BOP1: variants seen among roughly 807,000 people sequenced by gnomAD.
BOP1 encodes BOP1 ribosomal biogenesis factor, also known as ribosome biogenesis protein BOP1.
A neutral mutation model predicts 82.9 loss-of-function variants in BOP1; 54 were observed. The observed-to-expected ratio is 0.65, with a 90% CI of 0.52 to 0.82. The LOEUF (loss-of-function observed/expected upper bound fraction) is 0.82, where lower values mean the gene tolerates loss of function less well. BOP1 is among the 40% of genes least tolerant of loss of function. The pLI, the probability that BOP1 is intolerant of heterozygous loss-of-function variation, is 0.00. For missense variants in BOP1, 1,170 were observed against 1,072.0 expected (o/e 1.09, Z -1.28); for synonymous variants, 566 against 451.1 (o/e 1.25, Z -3.23).
rs1294290278 is a variant in BOP1, at chr8:144,262,213, G to A, written c.2192C>T (p.Pro731Leu). Reference sequence around the variant, plus strand: ...GTCTGCCCCCGAGGAGAAGACCCACGGCTGGGTGGGGTGGAAGATGACGTC... The same window carrying A: ...GTCTGCCCCCGAGGAGAAGACCCACAGCTGGGTGGGGTGGAAGATGACGTC... The part of the protein sequence containing the change: ...VLDVIFHPTQ[P>L]WVFSSGADGT... Residue 731 changes from proline to leucine, a missense_variant, in exon 16 of 16, where the codon CCG becomes CTG. Transcript: ENST00000569669. 6 of 1,612,566 alleles carry A rather than the reference G, an allele frequency of 3.7e-6. No individual in the cohort carries two copies. Among genetic ancestry groups the A allele is most frequent in the East Asian group, 2.2e-5 (1 of 44,882 alleles).
intron 3 of BOP1, among the ~76,000 whole-genome samples, chr8:144,267,803 G>A (rs902508967): frequency 6.6e-6 from 1 of 152,362 alleles, no homozygotes; most frequent in South Asian, 2.1e-4. Flanking sequence ...TGTGCTTGGT[G>A]GCACCGGAAA....
chr8:144,279,654 G>A (rs892220502), intron 2 of BOP1, among the ~76,000 whole-genome samples: 6 of 152,158 alleles, frequency 3.9e-5, no homozygotes, highest in African/African-American at 7.2e-5. Flanking sequence ...GATTTTCATC[G>A]CATCAAGAGA....
chr8:144,282,227 G>GT (rs1475293940), intron 2 of BOP1, among the ~76,000 whole-genome samples: 1 of 152,208 alleles, frequency 6.6e-6, no homozygotes, highest in Non-Finnish European at 1.5e-5. Flanking sequence ...GGGAGCACCC[G>GT]TGTCAGGGGT....
intron 2 of BOP1, among the ~76,000 whole-genome samples, chr8:144,278,649 C>T (rs1446372045): frequency 6.6e-6 from 1 of 152,162 alleles, no homozygotes; most frequent in East Asian, 1.9e-4. Context: ...TGCCCAGAGA[C>T]CAGAGCCAGA....
chr8:144,269,628 G>A (rs1464946000), intron 3 of BOP1, among the ~76,000 whole-genome samples: 1 of 152,254 alleles, frequency 6.6e-6, no homozygotes, highest in Non-Finnish European at 1.5e-5. Flanking sequence ...TTCGTTCAGA[G>A]AGAAACCCAA....
intron 2 of BOP1, among the ~76,000 whole-genome samples, chr8:144,277,517 T>C (rs897284956): frequency 2.0e-5 from 3 of 152,250 alleles, no homozygotes; most frequent in Non-Finnish European, 2.9e-5. Context: ...TGGCCGGGGC[T>C]GAAGCACCGC....
At chr8:144,283,557 C>A (rs1814776568) in intron 2 of BOP1, among the ~76,000 whole-genome samples, 1 of 152,230 alleles carries the variant, frequency 6.6e-6, no homozygotes, top group African/African-American at 2.4e-5. Context: ...AAGAGATCCA[C>A]CTGCCTTGGC....
chr8:144,264,834 G>A lies in BOP1; in HGVS notation c.546-3C>T, dbSNP rs1486382794. 5 of 1,609,062 alleles carry A rather than the reference G, an allele frequency of 3.1e-6. No homozygotes were observed. The highest frequency in any genetic ancestry group is 4.2e-6 in the Non-Finnish European group (5 of 1,179,166). ...TCATCGGGTCCTGCACGGTGCGCCTGGAGACCGCCAGTCAGACCCCGCCAG... is the reference window on the plus strand; with the variant it reads ...TCATCGGGTCCTGCACGGTGCGCCTAGAGACCGCCAGTCAGACCCCGCCAG... On this transcript the variant is annotated splice_region_variant and splice_polypyrimidine_tract_variant and intron_variant, in intron 4 of 15. Coordinates refer to ENST00000569669, the MANE Select transcript of BOP1 (RefSeq NM_015201.5).
chr8:144,271,770 C>A (rs1031427028), intron 3 of BOP1, among the ~76,000 whole-genome samples: 14 of 152,116 alleles, frequency 9.2e-5, no homozygotes, highest in Non-Finnish European at 5.9e-5. Flanking sequence ...CAAGGTGGGG[C>A]CCCAGGCAGG....
intron 3 of BOP1, 135 bp from the exon 4 acceptor site, chr8:144,265,206 T>A (rs1845332555): frequency 2.0e-6 from 2 of 1,021,208 alleles, no homozygotes; most frequent in Non-Finnish European, 2.9e-6. Context: ...TCACTGGCCC[T>A]GACCTACGCC....
intron 3 of BOP1, chr8:144,265,722 C>T (rs1276828701): frequency 1.3e-5 from 2 of 154,372 alleles, no homozygotes; most frequent in African/African-American, 4.8e-5. Context: ...CCTGCCGGGC[C>T]CCCTGCTGCA....
chr8:144,282,693 CCT>C (rs1488247764), intron 2 of BOP1, among the ~76,000 whole-genome samples: 9 of 152,066 alleles, frequency 5.9e-5, no homozygotes, highest in Admixed American at 6.6e-5. Context: ...CTTCTTGGGC[CCT>C]GTCCCTGTCC....
At chr8:144,266,550 G>A in intron 3 of BOP1, 3 of 998,674 alleles carry the variant, frequency 3.0e-6, no homozygotes, top group Non-Finnish European at 3.6e-6. Context: ...CGAGGCCCGC[G>A]GCGGCCGCAG....
At chr8:144,268,433 T>C (rs1588593196) in intron 3 of BOP1, 1 of 561,452 alleles carries the variant, frequency 1.8e-6, no homozygotes, top group South Asian at 2.3e-5. Context: ...TATGATAATA[T>C]AAAGTCTGAA....
chr8:144,264,498 G>T lies in BOP1; in HGVS notation c.765+17C>A. ...GGCGGTCAGCCCAGGCCAAGCCCCA[G>T]GGGCTGTGTGCCCCACCTTCTCCTT... On this transcript the variant is annotated intron_variant, in intron 6 of 15. Coordinates refer to ENST00000569669, the MANE Select transcript of BOP1 (RefSeq NM_015201.5). 1 of 1,609,116 alleles carries T rather than the reference G, an allele frequency of 6.2e-7. No homozygotes were observed.
chr8:144,271,897 AG>A (rs1554837871), intron 3 of BOP1, among the ~76,000 whole-genome samples: 83 of 152,218 alleles, frequency 5.5e-4, no homozygotes, highest in African/African-American at 1.9e-3. Context: ...ACCACTGGAG[AG>A]AAGCCACTAC....
At chr8:144,269,683 C>G (rs2043049118) in intron 3 of BOP1, among the ~76,000 whole-genome samples, 1 of 152,214 alleles carries the variant, frequency 6.6e-6, no homozygotes, top group East Asian at 1.9e-4. Flanking sequence ...CACAGCTGGC[C>G]AGAGGGAGGG....
chr8:144,291,193 GC>G lies in BOP1; in HGVS notation c.99+78del. 7.9e-7 allele frequency: 1 copy of G among 1,258,522 alleles called. No individual in the cohort carries two copies. The allele number at this position is 1,258,522 out of a possible 1,614,324, so 78.0% of individuals were successfully genotyped here. A position where few individuals can be genotyped will look rare whatever the true frequency, so the allele number is the denominator to read the frequency against. ...CGGGCGCCCAGGTGACAGAAGCCGG[GC>G]CCACCCGCCCCAGCGCGGCCACGTG... On this transcript the variant is annotated intron_variant, in intron 1 of 15. Transcript: ENST00000569669. This position sits in a 1 kb window ranked among gnomAD's most constrained non-coding sequence, Gnocchi z 4.1.
At chr8:144,263,782 A>G in intron 9 of BOP1, 21 bp from the exon 10 acceptor site, 1 of 1,594,610 alleles carries the variant, frequency 6.3e-7, no homozygotes, top group Non-Finnish European at 8.5e-7. Context: ...GGCGGCAGTG[A>G]GGAGTCAGAC....
Sources: allele counts gnomAD v4.1 joint callset (sites outside exome capture counted in the v4.1 genomes callset), GRCh38; gene constraint gnomAD v4.1.1; non-coding constraint Gnocchi (gnomAD v3.1); transcripts MANE v1.5; gene names NCBI Gene and HGNC (gene_info 2026-07-23, HGNC 2026-07-21).